PRIMPOL: variants seen among roughly 807,000 people sequenced by gnomAD.
PRIMPOL encodes primase and DNA directed polymerase.
In PRIMPOL, 54 loss-of-function variants were observed where a neutral mutation model predicts 63.6. The observed-to-expected ratio is 0.85, with a 90% CI of 0.68 to 1.07. The LOEUF (loss-of-function observed/expected upper bound fraction) is 1.07, where lower values mean the gene tolerates loss of function less well. Among genes scored for constraint, PRIMPOL ranks in the 50% least tolerant of loss-of-function variants. The pLI is 0.00. For synonymous variants in PRIMPOL, 197 were observed against 220.2 expected (o/e 0.89, Z 0.93); for missense variants, 610 against 648.3 (o/e 0.94, Z 0.64).
intron 5 of PRIMPOL, among the ~76,000 whole-genome samples, chr4:184,664,528 T>G (rs1450165545): frequency 1.3e-5 from 2 of 152,246 alleles, no homozygotes; most frequent in African/African-American, 4.8e-5. Flanking sequence ...AGATGTTGCC[T>G]TCTTCCATTG....
At chr4:184,671,236 G>A (rs902805012) in intron 6 of PRIMPOL, among the ~76,000 whole-genome samples, 1 of 152,152 alleles carries the variant, frequency 6.6e-6, no homozygotes, top group African/African-American at 2.4e-5. Flanking sequence ...GTAGTCCATC[G>A]TGTGCCCAGT....
At chr4:184,679,757 A>T (rs1755105467) in intron 8 of PRIMPOL, among the ~76,000 whole-genome samples, 1 of 152,082 alleles carries the variant, frequency 6.6e-6, no homozygotes, top group Non-Finnish European at 1.5e-5. Context: ...GTGGCATTAG[A>T]TTCTTATAGG....
chr4:184,690,727 T>C (rs1758302388), intron 11 of PRIMPOL, among the ~76,000 whole-genome samples: 1 of 152,212 alleles, frequency 6.6e-6, no homozygotes, highest in Non-Finnish European at 1.5e-5. Flanking sequence ...TCCATGTATC[T>C]TTAGCTATTC....
intron 7 of PRIMPOL, 39 bp downstream of exon 7, chr4:184,672,499 G>C (rs1752072930): frequency 6.4e-7 from 1 of 1,552,442 alleles, no homozygotes; most frequent in East Asian, 2.2e-5. Flanking sequence ...AGACCGCCCT[G>C]GTGCTTTCGT....
In PRIMPOL at chr4:184,682,289, A is replaced by G. The variant is rs759970562; in HGVS notation, c.1049A>G (p.Gln350Arg). The G allele has an allele frequency of 1.1e-4, 175 of 1,605,072 alleles. No homozygotes were observed. Among genetic ancestry groups the G allele is most frequent in the Middle Eastern group, 3.3e-4 (2 of 6,072 alleles). The change falls in exon 9 of 14, where the codon CAG (glutamine) becomes CGG (arginine). Residue 350 changes from glutamine (Q) to arginine (R), a missense_variant. This residue lies in a region of PRIMPOL where 444 missense variants were observed against 456.4 expected (regional missense o/e 0.97). Transcript: ENST00000314970. ...CGAATTCTTACATGTGAGCCATCTC[A>G]GAATAAACAAAAAGGAGTTGGATAT... ...TLRILTCEPS[Q>R]NKQKGVGYFN...
chr4:184,678,448 T>C, intron 8 of PRIMPOL, 54 bp downstream of exon 8: 5 of 1,286,650 alleles, frequency 3.9e-6, no homozygotes. Flanking sequence ...TATTAAACAG[T>C]GAATGGCATT....
At chr4:184,669,032 C>A (rs1226344259) in intron 6 of PRIMPOL, among the ~76,000 whole-genome samples, 1 of 152,138 alleles carries the variant, frequency 6.6e-6, no homozygotes, top group Non-Finnish European at 1.5e-5. Context: ...CTTGCTGATG[C>A]TGCTGTCTGA....
At chr4:184,677,852 C>T (rs901878076) in intron 7 of PRIMPOL, among the ~76,000 whole-genome samples, 2 of 152,142 alleles carry the variant, frequency 1.3e-5, no homozygotes, top group African/African-American at 4.8e-5. Flanking sequence ...GAAATCTTAT[C>T]CATATTTGTT....
rs551184112 is a variant in PRIMPOL, at chr4:184,694,899, TTTTG to T, written c.*124_*127del. On this transcript the variant is annotated 3_prime_UTR_variant, in exon 14 of 14. Transcript: ENST00000314970. ...AAGTTTTATTACTTTGCTTTCCAAT[TTTTG>T]TTTTTTACTTCTGTAAACCAATTTC... The T allele has an allele frequency of 4.6e-4, 425 of 933,296 alleles. 4 individuals are homozygous for T. The East Asian group carries it at 9.1e-3, about 20-fold the overall frequency. The allele number at this position is 933,296 out of a possible 1,614,324, so 57.8% of individuals were successfully genotyped here. A position where few individuals can be genotyped will look rare whatever the true frequency, so the allele number is the denominator to read the frequency against.
intron 7 of PRIMPOL, 114 bp downstream of exon 7, chr4:184,672,574 C>T (rs1194930849): frequency 8.8e-6 from 9 of 1,024,734 alleles, no homozygotes; most frequent in African/African-American, 3.2e-5. Flanking sequence ...CTGCCCAAGT[C>T]GCCAGCACGA....
At chr4:184,688,180 C>T (rs1579642111) in intron 11 of PRIMPOL, among the ~76,000 whole-genome samples, 1 of 152,192 alleles carries the variant, frequency 6.6e-6, no homozygotes, top group Non-Finnish European at 1.5e-5. Context: ...GCTAGAGTTT[C>T]TCAAAGTGGA....
intron 4 of PRIMPOL, 82 bp downstream of exon 4, chr4:184,659,519 C>A: frequency 2.0e-6 from 2 of 979,716 alleles, no homozygotes; most frequent in Non-Finnish European, 3.3e-6. Context: ...TTAGTTCAGG[C>A]TGAATTGGCT....
intron 8 of PRIMPOL, among the ~76,000 whole-genome samples, chr4:184,680,499 A>C (rs1755342291): frequency 6.6e-6 from 1 of 152,146 alleles, no homozygotes; most frequent in Non-Finnish European, 1.5e-5. Context: ...CTTAAATATA[A>C]TTTTAAGGAA....
Position 184,678,260 on chromosome 4 carries a change from G to A in PRIMPOL, c.873G>A (p.Arg291=), listed in dbSNP as rs1271447863. 1 of 1,588,470 alleles carries A rather than the reference G, an allele frequency of 6.3e-7. No homozygotes were observed. The highest frequency in any genetic ancestry group is 8.5e-7 in the Non-Finnish European group (1 of 1,171,368). ...TTTATACAAGAAATAGAAACTTTCG[G>A]CTATATAAATCATCAAAAATTGGAA... ...LGVYTRNRNF[R]LYKSSKIGKR... The change falls in exon 8 of 14, where the codon CGG becomes CGA. Residue 291 remains arginine, a synonymous_variant. Transcript: ENST00000314970.
At chr4:184,659,255 ATTCTT>A in intron 3 of PRIMPOL, 80 bp from the exon 4 acceptor site, 3 of 980,806 alleles carry the variant, frequency 3.1e-6, no homozygotes, top group Non-Finnish European at 3.2e-6. Flanking sequence ...TGAATGAAAA[ATTCTT>A]TATGAACATT....
intron 11 of PRIMPOL, among the ~76,000 whole-genome samples, chr4:184,687,854 G>C (rs763272900): frequency 1.2e-4 from 19 of 152,196 alleles, no homozygotes; most frequent in Non-Finnish European, 2.4e-4. Flanking sequence ...GACCTCAGGT[G>C]ATCTGCCTGC....
Position 184,691,558 on chromosome 4 carries a change from A to G in PRIMPOL, c.1355A>G (p.Lys452Arg). 6.2e-7 allele frequency: 1 copy of G among 1,609,294 alleles called. No homozygotes were observed. Among genetic ancestry groups the G allele is most frequent in the South Asian group, 1.1e-5 (1 of 90,850 alleles). Reference sequence around the variant, plus strand: ...CAAAAATGTCATGACCCTGTATGTAAAGCAGAAAACTTCAAATCTGACTGT... The same window carrying G: ...CAAAAATGTCATGACCCTGTATGTAGAGCAGAAAACTTCAAATCTGACTGT... ...WYQKCHDPVC[K>R]AENFKSDCFP... Residue 452 changes from lysine (K) to arginine (R), a missense_variant, in exon 12 of 14, where the codon AAA becomes AGA. This residue lies in a region of PRIMPOL where 444 missense variants were observed against 456.4 expected (regional missense o/e 0.97). Coordinates refer to ENST00000314970, the MANE Select transcript of PRIMPOL (RefSeq NM_152683.4).
chr4:184,678,186 TAACAGAA>T (rs1226708480), intron 7 of PRIMPOL, 39 bp from the exon 8 acceptor site: 1 of 1,302,788 alleles, frequency 7.7e-7, no homozygotes, highest in Non-Finnish European at 1.1e-6. Flanking sequence ...ATGAAACTAA[TAACAGAA>T]AACATGCTTT....
Position 184,694,654 on chromosome 4 carries a change from G to C in PRIMPOL, c.1558G>C (p.Ala520Pro), listed in dbSNP as rs1488687258. The change falls in exon 14 of 14, where the codon GCT (alanine) becomes CCT (proline). Residue 520 changes from alanine (A) to proline (P), a missense_variant. By Grantham distance (27) the Ala-to-Pro change is conservative. This residue lies in a region of PRIMPOL where 444 missense variants were observed against 456.4 expected (regional missense o/e 0.97). Transcript: ENST00000314970. The stretch of plus-strand genomic sequence containing the variant: ...TGTCTGGGATAATGGCATTGATGAT[G>C]CTTATTTTTTAGAAGCTACTGAAGA... ...DAVWDNGIDD[A>P]YFLEATEDAE... 1.9e-6 allele frequency: 3 copies of C among 1,614,046 alleles called. No individual in the cohort carries two copies. In the African/African-American group the frequency reaches 4.0e-5, roughly 22 times the overall value.
Sources: allele counts gnomAD v4.1 joint callset (sites outside exome capture counted in the v4.1 genomes callset), GRCh38; gene constraint gnomAD v4.1.1; regional missense constraint gnomAD v4.1.1; transcripts MANE v1.5; gene names NCBI Gene and HGNC (gene_info 2026-07-23, HGNC 2026-07-21).